MTMR7: variants seen among roughly 807,000 people sequenced by gnomAD.
MTMR7 encodes the protein myotubularin related protein 7.
In MTMR7, 76 loss-of-function variants were observed where a neutral mutation model predicts 81.2. The ratio of observed to expected loss-of-function variants is 0.94; its 90% CI spans 0.78 to 1.13. The LOEUF is 1.13. Ranked by LOEUF, MTMR7 falls within the 50% of genes most tolerant of loss-of-function variation. The pLI, the probability that MTMR7 is intolerant of heterozygous loss-of-function variation, is 0.00. For synonymous variants in MTMR7, 372 were observed against 289.8 expected, an observed-to-expected ratio of 1.28 and a Z score of -2.88; for missense variants, 1,044 against 820.0, an observed-to-expected ratio of 1.27 and a Z score of -3.34.
chr8:17,401,892 A>T (rs368581121), intron 1 of MTMR7, among the ~76,000 whole-genome samples: 23 of 152,278 alleles, frequency 1.5e-4, no homozygotes, highest in Middle Eastern at 3.4e-3. Flanking sequence ...AGGTACTATG[A>T]ATCTTATGCA....
Position 17,368,359 on chromosome 8 carries a change from T to G in MTMR7, c.310+2678A>C, listed in dbSNP as rs116546508. 6.3e-3 allele frequency among the ~76,000 whole-genome samples: 954 copies of G among 152,238 alleles called. 12 individuals carry two copies. Among genetic ancestry groups the G allele is most frequent in the African/African-American group, 0.022 (913 of 41,538 alleles). On this transcript the variant is annotated intron_variant, in intron 3 of 13. Transcript: ENST00000180173. ...CCCCTGCTCTACAGAACCTTACAGT[T>G]AGCTGGGTGTCCATAAATAAACTGA...
intron 6 of MTMR7, among the ~76,000 whole-genome samples, chr8:17,332,936 C>T (rs1326544725): frequency 6.6e-6 from 1 of 152,144 alleles, no homozygotes; most frequent in African/African-American, 2.4e-5. Context: ...AGGAGAATGC[C>T]ATCAGTACTA....
chr8:17,333,307 T>C (rs557071941), intron 6 of MTMR7, among the ~76,000 whole-genome samples: 1 of 152,362 alleles, frequency 6.6e-6, no homozygotes, highest in East Asian at 1.9e-4. Context: ...ATAAATATTT[T>C]ATAGGGAAAA....
At chr8:17,311,453 A>C in intron 9 of MTMR7, 58 bp downstream of exon 9, 1 of 1,604,748 alleles carries the variant, frequency 6.2e-7, no homozygotes, top group Non-Finnish European at 8.5e-7. Context: ...TTGTAAAAAC[A>C]GGGGTCCATT....
intron 10 of MTMR7, among the ~76,000 whole-genome samples, chr8:17,307,787 C>CA (rs1400900074): frequency 6.7e-6 from 1 of 149,302 alleles, no homozygotes; most frequent in Non-Finnish European, 1.5e-5. Flanking sequence ...ATCGCAAGGA[C>CA]AAAAAAACCA....
intron 5 of MTMR7, among the ~76,000 whole-genome samples, chr8:17,344,926 T>C (rs1056400235): frequency 1.3e-5 from 2 of 152,172 alleles, no homozygotes; most frequent in South Asian, 2.1e-4. Context: ...TACTGTAAAT[T>C]TGGGAGACCA....
chr8:17,346,294 T>C (rs889870946), intron 5 of MTMR7: 1 of 152,198 alleles, frequency 6.6e-6, no homozygotes, highest in African/African-American at 2.4e-5. Context: ...GGCGGGCAGG[T>C]GTGTGCTCAC....
At chr8:17,328,334 G>C (rs138876616) in intron 7 of MTMR7, among the ~76,000 whole-genome samples, 141 of 152,260 alleles carry the variant, frequency 9.3e-4, no homozygotes, top group Middle Eastern at 3.4e-3. Context: ...CACCCAGGAT[G>C]CCTAAGAGGT....
intron 1 of MTMR7, among the ~76,000 whole-genome samples, chr8:17,385,490 T>C (rs1288403823): frequency 6.6e-6 from 1 of 152,196 alleles, no homozygotes. Context: ...CCTTCTCTCT[T>C]GCCCACCACC....
intron 1 of MTMR7, among the ~76,000 whole-genome samples, chr8:17,385,404 T>C (rs911771504): frequency 2.0e-5 from 3 of 152,162 alleles, no homozygotes; most frequent in African/African-American, 4.8e-5. Flanking sequence ...GCTGGGTCAT[T>C]CCTGGACTGT....
At chr8:17,411,799 G>A (rs908042217) in intron 1 of MTMR7, among the ~76,000 whole-genome samples, 5 of 152,172 alleles carry the variant, frequency 3.3e-5, no homozygotes, top group African/African-American at 9.7e-5. Flanking sequence ...AACAGAAAAG[G>A]CCTTGACTCC....
intron 1 of MTMR7, among the ~76,000 whole-genome samples, chr8:17,410,833 G>C (rs909717500): frequency 4.6e-5 from 7 of 152,144 alleles, no homozygotes; most frequent in African/African-American, 1.2e-4. Context: ...AAAAGCAACT[G>C]TACATTATAC....
chr8:17,301,375 G>C lies in MTMR7; in HGVS notation c.1620+779C>G, dbSNP rs560338726. 7.4e-4 allele frequency among the ~76,000 whole-genome samples: 112 copies of C among 152,284 alleles called. 1 individual carries two copies. Among genetic ancestry groups the C allele is most frequent in the Admixed American group, 6.9e-3 (106 of 15,286 alleles). The stretch of plus-strand genomic sequence containing the variant: ...ACAGGACTGTGAAAGATTTAAACTT[G>C]GACATTCTGGTGATAGCTAGTAAGC... On this transcript the variant is annotated intron_variant, in intron 13 of 13. Transcript: ENST00000180173.
chr8:17,390,396 A>G (rs1223664396), intron 1 of MTMR7, among the ~76,000 whole-genome samples: 3 of 152,160 alleles, frequency 2.0e-5, no homozygotes, highest in Admixed American at 2.0e-4. Context: ...CGATGGTGCT[A>G]AACCATTCAT....
At chr8:17,316,906 G>T (rs933232660) in intron 7 of MTMR7, among the ~76,000 whole-genome samples, 3 of 152,090 alleles carry the variant, frequency 2.0e-5, no homozygotes, top group Non-Finnish European at 4.4e-5. Flanking sequence ...GGATACTGAG[G>T]GATGACTCTA....
intron 11 of MTMR7, 119 bp from the exon 12 acceptor site, chr8:17,304,638 G>A (rs1204524424): frequency 1.2e-5 from 12 of 998,994 alleles, no homozygotes; most frequent in South Asian, 3.2e-5. Context: ...GTGTCTGTTC[G>A]ATAGCAGGTA....
intron 1 of MTMR7, among the ~76,000 whole-genome samples, chr8:17,386,920 G>A (rs1042699824): frequency 2.6e-5 from 4 of 152,174 alleles, no homozygotes; most frequent in Non-Finnish European, 1.5e-5. Context: ...CCAAAGCCCA[G>A]CACATCCTGC....
At chr8:17,329,952 G>C (rs17687618) in intron 7 of MTMR7, among the ~76,000 whole-genome samples, 17,080 of 152,158 alleles carry the variant, frequency 0.11, 1,518 homozygotes, top group South Asian at 0.42. Context: ...GATGTAGGAA[G>C]GGATTTCTGC....
intron 3 of MTMR7, among the ~76,000 whole-genome samples, chr8:17,362,028 T>C (rs1820076930): frequency 6.6e-6 from 1 of 152,152 alleles, no homozygotes; most frequent in African/African-American, 2.4e-5. Flanking sequence ...CACTAAAATC[T>C]AGGATTTGAT....
Sources: gnomAD v4.1 joint callset for allele counts (sites outside exome capture counted in the v4.1 genomes callset) on GRCh38, gnomAD v4.1.1 for gene constraint, MANE v1.5 for transcripts, NCBI Gene and HGNC (gene_info 2026-07-23, HGNC 2026-07-21) for gene names.